RSF1: variants seen among roughly 807,000 people sequenced by gnomAD.
The protein encoded by RSF1 is remodeling and spacing factor 1, also known as HBV pX-associated protein 8.
Under a neutral mutation model 145.2 loss-of-function variants are expected in RSF1, and 13 were observed. That is an observed-to-expected ratio of 0.09 (90% CI 0.06 to 0.14). The LOEUF (loss-of-function observed/expected upper bound fraction) is 0.14, where lower values mean the gene tolerates loss of function less well. Among genes scored for constraint, RSF1 ranks in the 10% least tolerant of loss-of-function variants. The pLI is 1.00. For missense variants in RSF1, 1,517 were observed against 1,718.2 expected (o/e 0.88, Z 2.07); for synonymous variants, 577 against 592.6 (o/e 0.97, Z 0.38).
At chr11:77,749,886 C>T (rs1273759752) in intron 2 of RSF1, among the ~76,000 whole-genome samples, 3 of 151,988 alleles carry the variant, frequency 2.0e-5, no homozygotes, top group African/African-American at 7.3e-5. Flanking sequence ...GTAGCTGAGA[C>T]TACAGGCGCC....
chr11:77,734,755 C>G (rs1001635764), intron 4 of RSF1: 7 of 1,561,482 alleles, frequency 4.5e-6, no homozygotes, highest in Non-Finnish European at 6.1e-6. Flanking sequence ...CCAGTCATCA[C>G]AGTCTGGTTT....
At chr11:77,699,904 G>C (rs758760906) in intron 6 of RSF1, among the ~76,000 whole-genome samples, 3 of 152,190 alleles carry the variant, frequency 2.0e-5, no homozygotes, top group Non-Finnish European at 4.4e-5. Context: ...ATGGAGTACT[G>C]TGTGGCCATT....
intron 1 of RSF1, chr11:77,813,463 T>C (rs1948749876): frequency 1.7e-6 from 2 of 1,144,000 alleles, no homozygotes; most frequent in South Asian, 1.2e-5. Context: ...CTTAGAACCT[T>C]CACCACAAGG....
Position 77,701,549 on chromosome 11 carries a change from C to G in RSF1, c.1680G>C (p.Glu560Asp), listed in dbSNP as rs1231404424. 1 of 1,614,036 alleles carries G rather than the reference C, an allele frequency of 6.2e-7. No homozygotes were observed. Residue 560 changes from glutamate to aspartate, a missense_variant, in exon 6 of 16, where the codon GAG becomes GAC. This residue lies in a region of RSF1 where 579 missense variants were observed against 553.5 expected (regional missense o/e 1.05). Coordinates refer to ENST00000308488, the MANE Select transcript of RSF1 (RefSeq NM_016578.4). ...TCTCTTCACCTTTCATGGTACACGA[C>G]TCGGTGGAAGATAAAGCAGTTTTTG... ...LSSKTALSST[E>D]SCTMKGEEKS...
chr11:77,738,153 C>T (rs1961412444), intron 4 of RSF1, among the ~76,000 whole-genome samples: 2 of 136,922 alleles, frequency 1.5e-5, no homozygotes, highest in South Asian at 4.5e-4. Flanking sequence ...AAAAGAAAAG[C>T]GAATAGTTAA....
At chr11:77,754,603 G>A (rs531537012) in intron 2 of RSF1, among the ~76,000 whole-genome samples, 10 of 149,692 alleles carry the variant, frequency 6.7e-5, no homozygotes, top group African/African-American at 2.2e-4. Flanking sequence ...GCATGGTGGT[G>A]CAGGCCTGTA....
intron 1 of RSF1, among the ~76,000 whole-genome samples, chr11:77,808,676 G>A (rs1948702734): frequency 7.5e-6 from 1 of 133,544 alleles, no homozygotes; most frequent in Non-Finnish European, 1.6e-5. Flanking sequence ...TGGGACTACA[G>A]GCGCCCGCCA....
chr11:77,790,733 C>A (rs1948508759), intron 1 of RSF1, among the ~76,000 whole-genome samples: 1 of 152,184 alleles, frequency 6.6e-6, no homozygotes, highest in Admixed American at 6.5e-5. Flanking sequence ...TCTTGAAAGT[C>A]CGAAATCCAG....
chr11:77,871,774 T>C, the RSF1 span, among the ~76,000 whole-genome samples: 1 of 152,218 alleles, frequency 6.6e-6, no homozygotes, highest in African/African-American at 2.4e-5. Context: ...CACACCAAGG[T>C]AGATGTTTCA....
intron 11 of RSF1, among the ~76,000 whole-genome samples, chr11:77,678,682 CAG>C (rs1346280369): frequency 6.6e-6 from 1 of 152,062 alleles, no homozygotes; most frequent in Non-Finnish European, 1.5e-5. Flanking sequence ...TAAAAGAAGC[CAG>C]AGAGAGACCC....
intron 1 of RSF1, among the ~76,000 whole-genome samples, chr11:77,783,952 ACTG>A (rs1948429779): frequency 6.6e-6 from 1 of 152,184 alleles, no homozygotes; most frequent in African/African-American, 2.4e-5. Context: ...AGATTCTGTC[ACTG>A]CTTTCTGGCA....
At chr11:77,697,521 T>C (rs1050189130) in intron 7 of RSF1, among the ~76,000 whole-genome samples, 2 of 135,520 alleles carry the variant, frequency 1.5e-5, no homozygotes, top group South Asian at 4.4e-4. Context: ...AATATATTTA[T>C]ATATAATATA....
chr11:77,750,101 A>G (rs1332109589), intron 2 of RSF1, among the ~76,000 whole-genome samples: 1 of 145,946 alleles, frequency 6.9e-6, no homozygotes, highest in Non-Finnish European at 1.5e-5. Context: ...TTTGATGTTA[A>G]AAAAAAAAAA....
upstream of RSF1, chr11:77,821,273 C>A: frequency 4.7e-6 from 1 of 211,970 alleles, no homozygotes; most frequent in East Asian, 1.0e-4. Flanking sequence ...GAAACTGGGC[C>A]ACGAGATGGT....
the RSF1 span, among the ~76,000 whole-genome samples, chr11:77,864,978 A>G: frequency 6.6e-6 from 1 of 152,150 alleles, no homozygotes; most frequent in Non-Finnish European, 1.5e-5. Context: ...CCCTGTCTCA[A>G]AAACAAAAAA....
At chr11:77,804,182 C>T (rs919583119) in intron 1 of RSF1, among the ~76,000 whole-genome samples, 1 of 152,234 alleles carries the variant, frequency 6.6e-6, no homozygotes. Context: ...AGAAGCTCTG[C>T]ATCCAGGACC....
intron 4 of RSF1, among the ~76,000 whole-genome samples, chr11:77,733,527 C>T (rs2135898845): frequency 6.6e-6 from 1 of 151,632 alleles, no homozygotes; most frequent in South Asian, 2.1e-4. Context: ...AATAACCAAA[C>T]ACTACCACCT....
chr11:77,680,776 C>T (rs1378050871), intron 11 of RSF1, among the ~76,000 whole-genome samples: 1 of 152,156 alleles, frequency 6.6e-6, no homozygotes, highest in African/African-American at 2.4e-5. Context: ...GAGAAACATT[C>T]TTGTAGCTGC....
At chr11:77,671,994 C>T (rs752400449) in intron 15 of RSF1, 48 bp downstream of exon 15, 1 of 1,455,288 alleles carries the variant, frequency 6.9e-7, no homozygotes, top group Admixed American at 2.2e-5. Context: ...TTTATAATGT[C>T]TATTTTGCCC....
Sources: gnomAD v4.1 joint callset for allele counts (sites outside exome capture counted in the v4.1 genomes callset) on GRCh38, gnomAD v4.1.1 for gene constraint, gnomAD v4.1.1 regional missense constraint, MANE v1.5 for transcripts, NCBI Gene and HGNC (gene_info 2026-07-23, HGNC 2026-07-21) for gene names.